BMP2K: variants seen among roughly 807,000 people sequenced by gnomAD.
BMP2K encodes the protein BMP2 inducible kinase, also known as BMP-2-inducible protein kinase.
BMP2K carries 74 observed loss-of-function variants against 116.0 expected under a neutral mutation model. The ratio of observed to expected loss-of-function variants is 0.64; its 90% CI spans 0.53 to 0.77. The LOEUF (loss-of-function observed/expected upper bound fraction) is 0.77, where lower values mean the gene tolerates loss of function less well. Ranked by LOEUF, BMP2K falls within the 30% of genes least tolerant of loss-of-function variation. BMP2K has a pLI of 0.00. For synonymous variants in BMP2K, 486 were observed against 502.5 expected, an observed-to-expected ratio of 0.97 and a Z score of 0.44; for missense variants, 1,365 against 1,403.6, an observed-to-expected ratio of 0.97 and a Z score of 0.44.
At chr4:78,801,344 C>CTGTG (rs112302359) in intron 1 of BMP2K, among the ~76,000 whole-genome samples, 5,913 of 143,220 alleles carry the variant, frequency 0.041, 148 homozygotes, top group Non-Finnish European at 0.055. Flanking sequence ...GTTGAAGTAG[C>CTGTG]TGTGTGTGTG....
chr4:78,889,224 A>G (rs1411676460), intron 15 of BMP2K, among the ~76,000 whole-genome samples: 2 of 149,194 alleles, frequency 1.3e-5, no homozygotes, highest in Non-Finnish European at 3.0e-5. Flanking sequence ...CTGTCTCAAA[A>G]AAAAAAAAAA....
At chr4:78,890,566 T>C (rs910561558) in intron 15 of BMP2K, among the ~76,000 whole-genome samples, 3 of 152,218 alleles carry the variant, frequency 2.0e-5, no homozygotes, top group Non-Finnish European at 4.4e-5. Context: ...TTCCTGTCTT[T>C]GTTTTTCCTG....
At position 78,865,090 on chromosome 4, in the gene BMP2K, T is replaced by A. The variant is rs191852709; in HGVS notation, c.1068-467T>A. 2.8e-4 allele frequency among the ~76,000 whole-genome samples: 43 copies of A among 152,302 alleles called. 1 individual carries two copies. In the Middle Eastern group the frequency reaches 0.01, roughly 36 times the overall value. ...GGTGGCATCTGTTAAAAGTTTTGGCTTATTTTGTTTAACGTGCCCTAGGCC... is the reference window on the plus strand; with the variant it reads ...GGTGGCATCTGTTAAAAGTTTTGGCATATTTTGTTTAACGTGCCCTAGGCC... On this transcript the variant is annotated intron_variant, in intron 9 of 15. Coordinates refer to ENST00000502613, the MANE Select transcript of BMP2K (RefSeq NM_198892.2).
intron 14 of BMP2K, chr4:78,879,303 A>G (rs1025921292): frequency 1.0e-4 from 100 of 994,314 alleles, no homozygotes; most frequent in Non-Finnish European, 1.2e-4. Context: ...CCCTTTGAAA[A>G]TGCCTGAAAG....
intron 14 of BMP2K, among the ~76,000 whole-genome samples, chr4:78,883,487 A>T (rs892068749): frequency 1.3e-5 from 2 of 152,170 alleles, no homozygotes; most frequent in Non-Finnish European, 2.9e-5. Flanking sequence ...TTTACAGTGA[A>T]TTTATTCTGA....
chr4:78,791,016 T>C (rs75432244), intron 1 of BMP2K, among the ~76,000 whole-genome samples: 4,420 of 152,312 alleles, frequency 0.029, 207 homozygotes, highest in African/African-American at 0.1. Flanking sequence ...CCATCAGTTA[T>C]TTGATTTTTC....
At chr4:78,843,390 C>G (rs1236544185) in intron 4 of BMP2K, among the ~76,000 whole-genome samples, 1 of 151,570 alleles carries the variant, frequency 6.6e-6, no homozygotes, top group Non-Finnish European at 1.5e-5. Flanking sequence ...TGCCCTCTCC[C>G]TCTAGAATGT....
Position 78,850,980 on chromosome 4 carries a change from T to C in BMP2K, c.807T>C (p.Ser269=). The part of the protein sequence containing the change: ...LCFFTLPFGE[S]QVAICDGNFT... The stretch of plus-strand genomic sequence containing the variant: ...TCTTCACTCTTCCTTTTGGTGAGAG[T>C]CAGGTTGCTATCTGTGATGGCAACT... Residue 269 remains serine (S), a synonymous_variant, in exon 7 of 16, where the codon AGT becomes AGC. Coordinates refer to ENST00000502613, the MANE Select transcript of BMP2K (RefSeq NM_198892.2). 1 of 1,612,308 alleles carries C rather than the reference T, an allele frequency of 6.2e-7. No individual in the cohort carries two copies. The highest frequency in any genetic ancestry group is 8.5e-7 in the Non-Finnish European group (1 of 1,178,908).
intron 15 of BMP2K, among the ~76,000 whole-genome samples, chr4:78,893,836 A>G (rs142449295): frequency 6.6e-6 from 1 of 152,144 alleles, no homozygotes; most frequent in Non-Finnish European, 1.5e-5. Context: ...AGTAGCTGGG[A>G]TTATAGTGTG....
chr4:78,801,646 C>T (rs760414287), intron 1 of BMP2K, among the ~76,000 whole-genome samples: 2 of 152,016 alleles, frequency 1.3e-5, no homozygotes, highest in Non-Finnish European at 2.9e-5. Flanking sequence ...CTCTTTTCTC[C>T]ATTTTATTTC....
In BMP2K at chr4:78,776,487, C is replaced by G. The variant is rs548621984; in HGVS notation, c.-57C>G. ...CCCTCGCGGACGCCCGGCTGCGCGC[C>G]GGGCCGGGGACTTGCCCTTGCACGC... On this transcript the variant is annotated 5_prime_UTR_variant, in exon 1 of 16. Transcript: ENST00000502613. The G allele has an allele frequency of 4.5e-6, 5 of 1,114,918 alleles. No homozygotes were observed. Among genetic ancestry groups the G allele is most frequent in the Admixed American group, 5.0e-5 (1 of 19,940 alleles). 69.1% of individuals were successfully genotyped at this position (1,114,918 alleles called of 1,614,324 possible). A position where few individuals can be genotyped will look rare whatever the true frequency, so the allele number is the denominator to read the frequency against.
At position 78,826,071 on chromosome 4, in the gene BMP2K, C is replaced by G. The variant is rs34428203; in HGVS notation, c.213C>G (p.His71Gln). 4 of 1,613,858 alleles carry G rather than the reference C, an allele frequency of 2.5e-6. No individual in the cohort carries two copies. Among genetic ancestry groups the G allele is most frequent in the Non-Finnish European group, 1.7e-6 (2 of 1,179,918 alleles). The change falls in exon 2 of 16, where the codon CAC (histidine) becomes CAG (glutamine). Residue 71 changes from histidine (H) to glutamine (Q), a missense_variant. Transcript: ENST00000502613. ...GFSTVFLVRT[H>Q]GGIRCALKRM... ...CCACAGTTTTCCTCGTGCGTACTCA[C>G]GGTGGAATCCGATGTGCATTGAAGC... is the stretch of plus-strand genomic sequence containing the variant.
chr4:78,885,096 G>A (rs1405339542), intron 14 of BMP2K, among the ~76,000 whole-genome samples: 1 of 152,158 alleles, frequency 6.6e-6, no homozygotes, highest in African/African-American at 2.4e-5. Flanking sequence ...AGGAAGTTTT[G>A]TTTGTTCATA....
chr4:78,788,376 A>ATTTT (rs1264545181), intron 1 of BMP2K, among the ~76,000 whole-genome samples: 2 of 135,082 alleles, frequency 1.5e-5, no homozygotes, highest in Non-Finnish European at 1.6e-5. Flanking sequence ...GGATCTAAGG[A>ATTTT]TTTTTTTTTT....
intron 10 of BMP2K, among the ~76,000 whole-genome samples, chr4:78,867,918 G>A (rs997142105): frequency 3.3e-5 from 5 of 152,082 alleles, no homozygotes; most frequent in African/African-American, 9.7e-5. Flanking sequence ...AAATTAGCTG[G>A]GTGTAGTGGC....
At chr4:78,878,687 TA>T in intron 13 of BMP2K, 46 bp from the exon 14 acceptor site, 1 of 1,444,222 alleles carries the variant, frequency 6.9e-7, no homozygotes, top group Non-Finnish European at 9.4e-7. Flanking sequence ...TTATTTATTT[TA>T]ATTTTTCTTT....
rs143772824 is a variant in BMP2K, at chr4:78,823,346, A to G, written c.179-2691A>G. 4.9e-3 allele frequency among the ~76,000 whole-genome samples: 745 copies of G among 152,026 alleles called. 5 individuals carry two copies. Among genetic ancestry groups the G allele is most frequent in the African/African-American group, 0.017 (714 of 41,498 alleles). ...CCTCTGGGAACTTACTTCAGTGACT[A>G]CATAACTTGGTTGTGCATCAGAACC... On this transcript the variant is annotated intron_variant, in intron 1 of 15. Transcript: ENST00000502613.
At chr4:78,900,528 CTG>C (rs1733943635) in intron 15 of BMP2K, among the ~76,000 whole-genome samples, 1 of 152,112 alleles carries the variant, frequency 6.6e-6, no homozygotes, top group African/African-American at 2.4e-5. Context: ...CTCCTTGAGA[CTG>C]GGAATAGCTG....
At chr4:78,796,263 A>T (rs1578473805) in intron 1 of BMP2K, among the ~76,000 whole-genome samples, 4 of 152,030 alleles carry the variant, frequency 2.6e-5, no homozygotes, top group Admixed American at 2.6e-4. Context: ...GGAAATCATC[A>T]TTCTCAGTAA....
Sources: allele counts gnomAD v4.1 joint callset (sites outside exome capture counted in the v4.1 genomes callset), GRCh38; gene constraint gnomAD v4.1.1; transcripts MANE v1.5; gene names NCBI Gene and HGNC (gene_info 2026-07-23, HGNC 2026-07-21).